WDPCP: variants seen among roughly 807,000 people sequenced by gnomAD.
WDPCP encodes the protein WD repeat containing planar cell polarity effector, also known as WD repeat-containing and planar cell polarity effector protein fritz homolog.
In WDPCP, 71 loss-of-function variants were observed where a neutral mutation model predicts 93.1. That is an observed-to-expected ratio of 0.76 (90% CI 0.63 to 0.93). The LOEUF is 0.93. Ranked by LOEUF, WDPCP falls within the 40% of genes least tolerant of loss-of-function variation. The pLI is 0.00. For synonymous variants in WDPCP, 315 were observed against 315.0 expected (o/e 1.00, Z 0.00); for missense variants, 844 against 887.4 (o/e 0.95, Z 0.62).
chr2:63,153,711 G>C (rs1672039895), intron 15 of WDPCP, 137 bp from the exon 16 acceptor site: 1 of 544,074 alleles, frequency 1.8e-6, no homozygotes, highest in Non-Finnish European at 3.1e-6. Flanking sequence ...AAATTTCTTT[G>C]GAAACTTTCA....
intron 6 of WDPCP, among the ~76,000 whole-genome samples, chr2:63,454,068 C>T (rs909980446): frequency 1.3e-5 from 2 of 151,208 alleles, no homozygotes; most frequent in Admixed American, 6.6e-5. Context: ...AACAAACCTG[C>T]ACGTTGTGCA....
chr2:63,144,021 C>T (rs1200806194), intron 17 of WDPCP, among the ~76,000 whole-genome samples: 3 of 152,134 alleles, frequency 2.0e-5, no homozygotes, highest in Non-Finnish European at 2.9e-5. Context: ...CTTGATTATT[C>T]CCCCAGATAT....
chr2:63,174,607 C>G, intron 15 of WDPCP, 63 bp downstream of exon 15: 1 of 1,595,614 alleles, frequency 6.3e-7, no homozygotes, highest in Non-Finnish European at 8.6e-7. Context: ...GCTATTAGTT[C>G]GCATTTGAAC....
At chr2:63,495,946 T>C (rs1322202465) in intron 1 of WDPCP, among the ~76,000 whole-genome samples, 1 of 152,196 alleles carries the variant, frequency 6.6e-6, no homozygotes, top group Non-Finnish European at 1.5e-5. Flanking sequence ...AATTAGGACA[T>C]GCAAATTGGT....
chr2:63,387,264 C>T (rs1692812167), intron 10 of WDPCP, among the ~76,000 whole-genome samples: 1 of 151,986 alleles, frequency 6.6e-6, no homozygotes, highest in African/African-American at 2.4e-5. Flanking sequence ...TCCAGCAGCA[C>T]ATCAAAATGA....
chr2:63,196,262 A>G (rs1186562772), intron 14 of WDPCP, among the ~76,000 whole-genome samples: 1 of 152,206 alleles, frequency 6.6e-6, no homozygotes, highest in African/African-American at 2.4e-5. Flanking sequence ...TGATATGTAC[A>G]ATGGACTGGG....
At chr2:63,628,562 AT>A (rs1709833837) in intron 3 of WDPCP, among the ~76,000 whole-genome samples, 1 of 152,228 alleles carries the variant, frequency 6.6e-6, no homozygotes, top group African/African-American at 2.4e-5. Flanking sequence ...TCAGTTTAAG[AT>A]TCAAAACAGA....
intron 9 of WDPCP, among the ~76,000 whole-genome samples, chr2:63,411,906 A>T (rs1160775526): frequency 1.3e-5 from 2 of 152,164 alleles, no homozygotes; most frequent in Non-Finnish European, 2.9e-5. Flanking sequence ...CAACAAAAAA[A>T]TGTCCAGGAT....
intron 17 of WDPCP, among the ~76,000 whole-genome samples, chr2:63,136,035 G>A (rs1181999156): frequency 2.0e-5 from 3 of 152,174 alleles, no homozygotes; most frequent in African/African-American, 7.2e-5. Flanking sequence ...ACTGAACAAG[G>A]AAATCTGAGG....
chr2:63,278,853 A>G (rs1387262828), intron 13 of WDPCP, among the ~76,000 whole-genome samples: 1 of 152,188 alleles, frequency 6.6e-6, no homozygotes, highest in Non-Finnish European at 1.5e-5. Context: ...CAAGGCTGCT[A>G]TGAACACCTT....
chr2:63,436,178 T>C (rs1049001122), intron 8 of WDPCP, among the ~76,000 whole-genome samples: 22 of 152,138 alleles, frequency 1.4e-4, no homozygotes, highest in Non-Finnish European at 2.5e-4. Context: ...GTATTTCAAG[T>C]AAATCTGAAG....
chr2:63,534,477 C>T (rs1041728656), intron 1 of WDPCP, among the ~76,000 whole-genome samples: 1 of 152,198 alleles, frequency 6.6e-6, no homozygotes, highest in Non-Finnish European at 1.5e-5. Context: ...TACTGGCAAA[C>T]TGAATCCAGC....
At chr2:63,834,323 G>C in the WDPCP span, among the ~76,000 whole-genome samples, 10 of 152,208 alleles carry the variant, frequency 6.6e-5, no homozygotes, top group Non-Finnish European at 1.3e-4. Flanking sequence ...TAGAACTTCA[G>C]TAAGTTGCTG....
intron 1 of WDPCP, among the ~76,000 whole-genome samples, chr2:63,575,202 T>C (rs988968128): frequency 8.6e-5 from 13 of 151,418 alleles, no homozygotes; most frequent in Non-Finnish European, 1.9e-4. Context: ...TTTCTCTATG[T>C]TACATAATAG....
intron 6 of WDPCP, among the ~76,000 whole-genome samples, chr2:63,468,290 C>T (rs1699481675): frequency 6.6e-6 from 1 of 152,190 alleles, no homozygotes; most frequent in African/African-American, 2.4e-5. Flanking sequence ...TCTCACATGG[C>T]TAGTACTATC....
chr2:63,366,211 G>A (rs1013604681), intron 12 of WDPCP, among the ~76,000 whole-genome samples: 5 of 152,118 alleles, frequency 3.3e-5, no homozygotes, highest in Admixed American at 3.3e-4. Flanking sequence ...ATGAAGGGCA[G>A]CATCACCTTC....
intron 6 of WDPCP, among the ~76,000 whole-genome samples, chr2:63,454,374 G>A (rs1017394162): frequency 9.9e-5 from 15 of 151,502 alleles, no homozygotes; most frequent in Non-Finnish European, 2.2e-4. Context: ...ACTGAGGGAG[G>A]GATAGCATTG....
intron 2 of WDPCP, among the ~76,000 whole-genome samples, chr2:63,697,446 AAGC>A (rs1162673797): frequency 1.3e-5 from 2 of 152,174 alleles, no homozygotes; most frequent in Non-Finnish European, 2.9e-5. Flanking sequence ...TTATAGGAAA[AAGC>A]AGGCTAAAAA....
chr2:63,540,203 G>T (rs1162889543), intron 1 of WDPCP, among the ~76,000 whole-genome samples: 3 of 151,836 alleles, frequency 2.0e-5, no homozygotes, highest in African/African-American at 7.3e-5. Flanking sequence ...TATTTATTTG[G>T]CCTCAATATT....
Sources: gnomAD v4.1 joint callset for allele counts (sites outside exome capture counted in the v4.1 genomes callset) on GRCh38, gnomAD v4.1.1 for gene constraint, MANE v1.5 for transcripts, NCBI Gene and HGNC (gene_info 2026-07-23, HGNC 2026-07-21) for gene names.